CNBD1: variants seen among roughly 807,000 people sequenced by gnomAD.
CNBD1 encodes the protein cyclic nucleotide-binding domain-containing protein 1.
A neutral mutation model predicts 54.4 loss-of-function variants in CNBD1; 71 were observed. That is an observed-to-expected ratio of 1.30 (90% CI 1.08 to 1.59). The LOEUF (loss-of-function observed/expected upper bound fraction) is 1.59. CNBD1 is among the 40% of genes most tolerant of loss of function. CNBD1 has a pLI of 0.00. For synonymous variants in CNBD1, 182 were observed against 170.7 expected (o/e 1.07, Z -0.51); for missense variants, 659 against 518.0 (o/e 1.27, Z -2.64).
chr8:87,263,627 A>T (rs1385077955), intron 6 of CNBD1, among the ~76,000 whole-genome samples: 6 of 152,198 alleles, frequency 3.9e-5, no homozygotes, highest in Admixed American at 3.3e-4. Flanking sequence ...TTCTTCTATT[A>T]TTAGTAGAAA....
chr8:86,985,028 G>A (rs185762760), intron 4 of CNBD1, among the ~76,000 whole-genome samples: 5 of 152,258 alleles, frequency 3.3e-5, no homozygotes, highest in Admixed American at 1.3e-4. Flanking sequence ...TGTTGTGGGA[G>A]GGATCCAGTG....
At chr8:86,955,554 G>A (rs1807742619) in intron 4 of CNBD1, among the ~76,000 whole-genome samples, 1 of 152,174 alleles carries the variant, frequency 6.6e-6, no homozygotes, top group Admixed American at 6.5e-5. Flanking sequence ...ATCTCATTGT[G>A]GTTTTGATTT....
At chr8:87,407,559 G>A (rs950591194) in intron 2 of CNBD1, among the ~76,000 whole-genome samples, 1 of 151,912 alleles carries the variant, frequency 6.6e-6, no homozygotes, top group African/African-American at 2.4e-5. Flanking sequence ...TTCAGCTTTA[G>A]TACATACTGA....
chr8:86,989,785 G>C (rs1291131970), intron 4 of CNBD1, among the ~76,000 whole-genome samples: 3 of 152,082 alleles, frequency 2.0e-5, no homozygotes, highest in Admixed American at 2.0e-4. Context: ...TATAGTGCTT[G>C]TACTAATTTA....
intron 8 of CNBD1, among the ~76,000 whole-genome samples, chr8:87,322,217 G>C (rs1809552698): frequency 8.2e-6 from 1 of 122,200 alleles, no homozygotes; most frequent in South Asian, 2.4e-4. Flanking sequence ...TGGACATTTG[G>C]GTTGTTTCCA....
intron 6 of CNBD1, among the ~76,000 whole-genome samples, chr8:87,270,123 G>A (rs1474951340): frequency 2.6e-5 from 4 of 151,938 alleles, no homozygotes; most frequent in Admixed American, 2.0e-4. Context: ...ATCAATAAAT[G>A]TGATTTGCCA....
chr8:87,425,568 G>A (rs1236277777), intron 2 of CNBD1, among the ~76,000 whole-genome samples: 2 of 152,084 alleles, frequency 1.3e-5, no homozygotes, highest in African/African-American at 2.4e-5. Context: ...GTCTGTTGGA[G>A]TACCCTGCAG....
At chr8:87,355,691 A>G (rs1197527170) in intron 10 of CNBD1, among the ~76,000 whole-genome samples, 4 of 152,210 alleles carry the variant, frequency 2.6e-5, no homozygotes, top group Non-Finnish European at 4.4e-5. Context: ...GGTGAGAGGT[A>G]TGCTTCAACA....
At chr8:87,094,074 C>T (rs547282993) in intron 4 of CNBD1, among the ~76,000 whole-genome samples, 17 of 152,174 alleles carry the variant, frequency 1.1e-4, no homozygotes, top group Non-Finnish European at 2.1e-4. Flanking sequence ...GCAATTTTCT[C>T]TATCCTCCTC....
chr8:86,954,663 A>G (rs1807714063), intron 4 of CNBD1, among the ~76,000 whole-genome samples: 1 of 152,150 alleles, frequency 6.6e-6, no homozygotes, highest in South Asian at 2.1e-4. Context: ...AGACTCCACT[A>G]CATGTTATAA....
chr8:87,334,724 C>CTTTTTTTTTTTTTTT (rs1227796537), intron 8 of CNBD1, among the ~76,000 whole-genome samples: 1 of 113,252 alleles, frequency 8.8e-6, no homozygotes. Flanking sequence ...TTTTTCTTTT[C>CTTTTTTTTTTTTTTT]TTTTTTTTTT....
At chr8:87,131,860 T>C (rs76606112) in intron 4 of CNBD1, among the ~76,000 whole-genome samples, 2,685 of 152,158 alleles carry the variant, frequency 0.018, 93 homozygotes, top group African/African-American at 0.062. Flanking sequence ...GTATCACCTC[T>C]CTTCATTGAA....
chr8:87,272,612 G>A (rs1433040516), intron 6 of CNBD1, among the ~76,000 whole-genome samples: 2 of 151,908 alleles, frequency 1.3e-5, no homozygotes, highest in African/African-American at 4.8e-5. Context: ...CTCCCAAAAT[G>A]TATCATCTTT....
chr8:87,310,432 G>T (rs1463720961), intron 8 of CNBD1, among the ~76,000 whole-genome samples: 2 of 152,018 alleles, frequency 1.3e-5, no homozygotes, highest in Admixed American at 1.3e-4. Flanking sequence ...GGAGGTGAAA[G>T]AAAGACCTCT....
intron 4 of CNBD1, among the ~76,000 whole-genome samples, chr8:87,174,498 C>A (rs1432388172): frequency 2.0e-5 from 3 of 152,038 alleles, no homozygotes; most frequent in Admixed American, 6.5e-5. Flanking sequence ...TCTTTAATTT[C>A]TTTAAGTTTC....
intron 4 of CNBD1, among the ~76,000 whole-genome samples, chr8:87,141,855 C>T (rs1455571959): frequency 6.6e-6 from 1 of 152,010 alleles, no homozygotes; most frequent in Non-Finnish European, 1.5e-5. Context: ...TTTTATAGCA[C>T]TCAGGGCCTA....
At chr8:87,234,110 G>A (rs529372729) in intron 5 of CNBD1, among the ~76,000 whole-genome samples, 3 of 152,156 alleles carry the variant, frequency 2.0e-5, no homozygotes, top group Admixed American at 2.0e-4. Context: ...ACATCTGTAA[G>A]TAAGCTCTAC....
At chr8:87,211,142 C>T (rs1452846434) in intron 5 of CNBD1, among the ~76,000 whole-genome samples, 1 of 152,190 alleles carries the variant, frequency 6.6e-6, no homozygotes, top group Non-Finnish European at 1.5e-5. Context: ...CCTTGCTGGG[C>T]TTCAGATTTG....
At chr8:87,393,742 A>T (rs1266158570) in intron 2 of CNBD1, among the ~76,000 whole-genome samples, 1 of 151,864 alleles carries the variant, frequency 6.6e-6, no homozygotes, top group Non-Finnish European at 1.5e-5. Context: ...GGGAGAGAAA[A>T]CCACCCTGAA....
Sources: allele counts gnomAD v4.1 joint callset (sites outside exome capture counted in the v4.1 genomes callset), GRCh38; gene constraint gnomAD v4.1.1; transcripts MANE v1.5; gene names NCBI Gene and HGNC (gene_info 2026-07-23, HGNC 2026-07-21).